Variants in FBXL20 observed in about 807,000 individuals in gnomAD.
FBXL20 encodes F-box and leucine rich repeat protein 20.
In FBXL20, 11 loss-of-function variants were observed where a neutral mutation model predicts 64.0. The observed-to-expected ratio is 0.17, with a 90% CI of 0.11 to 0.28. The LOEUF is 0.28. FBXL20 is among the 10% of genes least tolerant of loss of function. The pLI, the probability that FBXL20 is intolerant of heterozygous loss-of-function variation, is 1.00. For synonymous variants in FBXL20, 184 were observed against 189.0 expected (o/e 0.97, Z 0.22); for missense variants, 303 against 526.2 (o/e 0.58, Z 4.15).
At chr17:39,368,217 T>C (rs1251195910) in intron 1 of FBXL20, among the ~76,000 whole-genome samples, 3 of 152,046 alleles carry the variant, frequency 2.0e-5, no homozygotes, top group Non-Finnish European at 4.4e-5. Context: ...AGCGAGAACT[T>C]ATCTCTACAA....
upstream of FBXL20, chr17:39,401,975 A>T: frequency 2.2e-6 from 1 of 454,618 alleles, no homozygotes; most frequent in Non-Finnish European, 3.6e-6. Context: ...AGAGTAGAGC[A>T]GTACCGCACT....
intron 1 of FBXL20, among the ~76,000 whole-genome samples, chr17:39,382,159 G>C (rs1009278158): frequency 7.0e-6 from 1 of 142,570 alleles, no homozygotes; most frequent in Admixed American, 7.1e-5. Context: ...ATTAAAAATA[G>C]ATGGCTTGGC....
In FBXL20 at chr17:39,273,735, G is replaced by A. The variant is rs761972128; in HGVS notation, c.827+1235C>T. Among the ~76,000 whole-genome samples the A allele has an allele frequency of 3.3e-5, 5 of 151,058 alleles. No homozygotes were observed. In the Middle Eastern group the frequency reaches 0.01, roughly 310 times the overall value. On this transcript the variant is annotated intron_variant, in intron 10 of 14. Coordinates refer to ENST00000264658, the MANE Select transcript of FBXL20 (RefSeq NM_032875.3). Reference sequence around the variant, plus strand: ...CTAGGGAGGCTGAGGCAGGTTAATCGCTTGAACCCAGGAGACGGAGGTTGC... The same window carrying A: ...CTAGGGAGGCTGAGGCAGGTTAATCACTTGAACCCAGGAGACGGAGGTTGC...
chr17:39,262,969 T>G (rs1293052613), intron 14 of FBXL20, among the ~76,000 whole-genome samples: 1 of 151,300 alleles, frequency 6.6e-6, no homozygotes, highest in Non-Finnish European at 1.5e-5. Flanking sequence ...GCCACTGCGC[T>G]CCAGCCTGGG....
intron 2 of FBXL20, among the ~76,000 whole-genome samples, chr17:39,317,903 G>A (rs181147462): frequency 4.1e-4 from 62 of 151,148 alleles, no homozygotes; most frequent in Admixed American, 1.3e-3. Context: ...GAGTTTCACC[G>A]TGTTAGCCGG....
At chr17:39,303,666 T>C (rs751841892) in intron 2 of FBXL20, 27 bp from the exon 3 acceptor site, 15 of 1,581,002 alleles carry the variant, frequency 9.5e-6, no homozygotes, top group Non-Finnish European at 1.3e-5. Context: ...GAAAGACAAA[T>C]TTTATTGTAT....
At chr17:39,396,399 C>T (rs2048183531) in intron 1 of FBXL20, among the ~76,000 whole-genome samples, 1 of 150,936 alleles carries the variant, frequency 6.6e-6, no homozygotes, top group South Asian at 2.1e-4. Flanking sequence ...AGTTCAAGAC[C>T]AGTCTGGCCA....
chr17:39,334,279 G>A (rs550812110), intron 2 of FBXL20, among the ~76,000 whole-genome samples: 1 of 152,062 alleles, frequency 6.6e-6, no homozygotes, highest in African/African-American at 2.4e-5. Flanking sequence ...CAGCATGCTT[G>A]TTAAGAGTCA....
intron 1 of FBXL20, among the ~76,000 whole-genome samples, chr17:39,387,872 C>G (rs2048097797): frequency 6.6e-6 from 1 of 152,142 alleles, no homozygotes; most frequent in Non-Finnish European, 1.5e-5. Context: ...GTGACCGCAC[C>G]AGGCCTTAAC....
chr17:39,320,508 T>C (rs1445585284), intron 2 of FBXL20, among the ~76,000 whole-genome samples: 1 of 152,150 alleles, frequency 6.6e-6, no homozygotes, highest in African/African-American at 2.4e-5. Context: ...AAGAGGCTTT[T>C]GAATATAACT....
intron 1 of FBXL20, among the ~76,000 whole-genome samples, chr17:39,374,900 C>T (rs2047952585): frequency 6.6e-6 from 1 of 152,114 alleles, no homozygotes; most frequent in Admixed American, 6.5e-5. Flanking sequence ...AATTCTCCTG[C>T]CTCAGCCTCC....
At chr17:39,392,438 C>CAA (rs67507209) in intron 1 of FBXL20, among the ~76,000 whole-genome samples, 7 of 103,996 alleles carry the variant, frequency 6.7e-5, no homozygotes, top group Non-Finnish European at 8.6e-5. Flanking sequence ...AGATTGTCTC[C>CAA]AAAAAAAAAA....
intron 1 of FBXL20, among the ~76,000 whole-genome samples, chr17:39,362,472 T>A (rs1489482975): frequency 1.3e-5 from 2 of 149,650 alleles, no homozygotes; most frequent in Non-Finnish European, 3.0e-5. Flanking sequence ...TACAGGCATG[T>A]GCCACCACAC....
chr17:39,287,268 A>G (rs1230193361), intron 6 of FBXL20, among the ~76,000 whole-genome samples: 2 of 152,044 alleles, frequency 1.3e-5, no homozygotes, highest in Non-Finnish European at 2.9e-5. Flanking sequence ...CTGATACTGA[A>G]ATGTGCTAAC....
At chr17:39,380,944 A>T (rs2048016520) in intron 1 of FBXL20, among the ~76,000 whole-genome samples, 1 of 151,900 alleles carries the variant, frequency 6.6e-6, no homozygotes, top group South Asian at 2.1e-4. Flanking sequence ...TGGATTGCCT[A>T]AGGTCAGGAG....
intron 6 of FBXL20, among the ~76,000 whole-genome samples, chr17:39,289,204 C>T (rs2047015608): frequency 6.6e-6 from 1 of 152,172 alleles, no homozygotes; most frequent in Non-Finnish European, 1.5e-5. Flanking sequence ...CCCCAAACTT[C>T]ACTGTCCATC....
intron 1 of FBXL20, among the ~76,000 whole-genome samples, chr17:39,393,064 G>A (rs993542465): frequency 6.6e-6 from 1 of 151,968 alleles, no homozygotes; most frequent in South Asian, 2.1e-4. Flanking sequence ...CAAGGCGGGC[G>A]GATCACCTGA....
intron 2 of FBXL20, among the ~76,000 whole-genome samples, chr17:39,313,384 C>T (rs189568404): frequency 4.5e-4 from 68 of 151,960 alleles, no homozygotes; most frequent in African/African-American, 1.5e-3. Context: ...CAGGCGCCTG[C>T]CACCACGCCA....
At chr17:39,324,008 A>ACCCC (rs138382317) in intron 2 of FBXL20, among the ~76,000 whole-genome samples, 2 of 129,048 alleles carry the variant, frequency 1.5e-5, no homozygotes, top group African/African-American at 6.9e-5. Context: ...TCGTGATCCA[A>ACCCC]CCCCCTCCCC....
Sources: allele counts gnomAD v4.1 joint callset (sites outside exome capture counted in the v4.1 genomes callset), GRCh38; gene constraint gnomAD v4.1.1; transcripts MANE v1.5; gene names NCBI Gene and HGNC (gene_info 2026-07-23, HGNC 2026-07-21).